The following SH3RF1 variants were observed in gnomAD, a reference collection of about 807,000 sequenced individuals.
The protein encoded by SH3RF1 is SH3 domain containing ring finger 1.
A neutral mutation model predicts 74.0 loss-of-function variants in SH3RF1; 32 were observed. The observed-to-expected ratio is 0.43, with a 90% confidence interval of 0.33 to 0.58. SH3RF1 has a LOEUF of 0.58. Among genes scored for constraint, SH3RF1 ranks in the 20% least tolerant of loss-of-function variants. The probability of loss-of-function intolerance (pLI) is 0.05; values close to 1 mark genes in which losing one functional copy is unlikely to be tolerated. For synonymous variants in SH3RF1, 396 were observed against 439.6 expected, an observed-to-expected ratio of 0.90 and a Z score of 1.24; for missense variants, 954 against 1,130.9, an observed-to-expected ratio of 0.84 and a Z score of 2.24.
At chr4:169,261,618 A>AG (rs1441232637) in intron 2 of SH3RF1, among the ~76,000 whole-genome samples, 2 of 152,074 alleles carry the variant, frequency 1.3e-5, no homozygotes, top group South Asian at 2.1e-4. Context: ...AAAAAAAAAA[A>AG]GAATGCATAA....
At chr4:169,194,098 AACAGAG>A (rs1734770890) in intron 2 of SH3RF1, among the ~76,000 whole-genome samples, 3 of 152,156 alleles carry the variant, frequency 2.0e-5, no homozygotes, top group Non-Finnish European at 2.9e-5. Flanking sequence ...TTTTTTAGAA[AACAGAG>A]ACAGAGACAC....
At position 169,221,527 on chromosome 4, in the gene SH3RF1, G is replaced by A. The variant is rs367788722; in HGVS notation, c.393+47293C>T. On this transcript the variant is annotated intron_variant, in intron 2 of 11. Transcript: ENST00000284637. Reference sequence around the variant, plus strand: ...TCAGTTACACCAACAACTCAGTTCCGAGAAAAGTTTGAAAACATTAACATT... The same window carrying A: ...TCAGTTACACCAACAACTCAGTTCCAAGAAAAGTTTGAAAACATTAACATT... Among the ~76,000 whole-genome samples the A allele has an allele frequency of 1.3e-3, 197 of 152,184 alleles. 3 individuals are homozygous for A. The South Asian group carries it at 0.037, about 28-fold the overall frequency.
At chr4:169,209,415 G>A (rs1036595339) in intron 2 of SH3RF1, among the ~76,000 whole-genome samples, 3 of 152,020 alleles carry the variant, frequency 2.0e-5, no homozygotes, top group Non-Finnish European at 4.4e-5. Flanking sequence ...GTCAGTTTAA[G>A]GTATCGTCCC....
At chr4:169,221,006 C>T (rs755850877) in intron 2 of SH3RF1, among the ~76,000 whole-genome samples, 3 of 152,176 alleles carry the variant, frequency 2.0e-5, no homozygotes, top group Non-Finnish European at 4.4e-5. Flanking sequence ...TCTTTGAACT[C>T]TCGTGTCGAA....
At chr4:169,230,479 A>C (rs1051463313) in intron 2 of SH3RF1, among the ~76,000 whole-genome samples, 1 of 152,182 alleles carries the variant, frequency 6.6e-6, no homozygotes, top group African/African-American at 2.4e-5. Flanking sequence ...TTTAGTTTTC[A>C]TTTGTTTTTC....
chr4:169,144,365 AT>A (rs900686653), intron 4 of SH3RF1, among the ~76,000 whole-genome samples: 1 of 152,214 alleles, frequency 6.6e-6, no homozygotes, highest in Non-Finnish European at 1.5e-5. Flanking sequence ...AAACAAAAAT[AT>A]CCCATTCAAA....
At chr4:169,210,601 T>C (rs1398318840) in intron 2 of SH3RF1, among the ~76,000 whole-genome samples, 1 of 152,242 alleles carries the variant, frequency 6.6e-6, no homozygotes, top group Non-Finnish European at 1.5e-5. Context: ...AAATTAAGTT[T>C]AGCCTAAAGT....
chr4:169,204,528 G>T (rs1730201815), intron 2 of SH3RF1, among the ~76,000 whole-genome samples: 1 of 150,444 alleles, frequency 6.6e-6, no homozygotes, highest in Non-Finnish European at 1.5e-5. Context: ...CTCTTACCTG[G>T]TTATCACATA....
chr4:169,250,932 G>C (rs1731094583), intron 2 of SH3RF1, among the ~76,000 whole-genome samples: 1 of 152,180 alleles, frequency 6.6e-6, no homozygotes, highest in Non-Finnish European at 1.5e-5. Flanking sequence ...CTTCCTTCCA[G>C]GCAGGGCAAA....
intron 2 of SH3RF1, among the ~76,000 whole-genome samples, chr4:169,168,929 A>G (rs960299267): frequency 6.6e-6 from 1 of 152,222 alleles, no homozygotes; most frequent in Admixed American, 6.5e-5. Flanking sequence ...AGAAAATGAA[A>G]TGAGAATATG....
At chr4:169,104,631 A>G (rs931963259) in intron 11 of SH3RF1, among the ~76,000 whole-genome samples, 1 of 152,142 alleles carries the variant, frequency 6.6e-6, no homozygotes, top group African/African-American at 2.4e-5. Flanking sequence ...GCTGGGCTCC[A>G]TGGCTCATGC....
At chr4:169,246,407 T>G (rs1458189223) in intron 2 of SH3RF1, among the ~76,000 whole-genome samples, 1 of 152,182 alleles carries the variant, frequency 6.6e-6, no homozygotes, top group East Asian at 1.9e-4. Context: ...CAAACTGAGC[T>G]AGGAGTATGT....
intron 4 of SH3RF1, 54 bp downstream of exon 4, chr4:169,155,426 T>C: frequency 7.2e-7 from 1 of 1,384,604 alleles, no homozygotes; most frequent in South Asian, 1.2e-5. Context: ...ATAATTAAGA[T>C]TTATTTAGTA....
chr4:169,122,163 G>A lies in SH3RF1; in HGVS notation c.1283C>T (p.Pro428Leu), dbSNP rs374917176. 8.1e-6 allele frequency: 13 copies of A among 1,613,312 alleles called. No homozygotes were observed. Among genetic ancestry groups the A allele is most frequent in the African/African-American group, 5.3e-5 (4 of 74,892 alleles). The change falls in exon 7 of 12, where the codon CCG (proline) becomes CTG (leucine). Residue 428 changes from proline (P) to leucine (L), a missense_variant. Pro to Leu is a moderately conservative substitution (Grantham distance 98, BLOSUM62 -3). Transcript: ENST00000284637. Reference sequence around the variant, plus strand: ...GTCAGTGGATCCTGCCATGGGCCTCGGTCCCATTCCAGCAGCAGCAGCAGC... The same window carrying A: ...GTCAGTGGATCCTGCCATGGGCCTCAGTCCCATTCCAGCAGCAGCAGCAGC... ...TAAAAAAGMG[P>L]RPMAGSTDQI...
At chr4:169,192,590 G>C (rs1405202543) in intron 2 of SH3RF1, among the ~76,000 whole-genome samples, 1 of 151,954 alleles carries the variant, frequency 6.6e-6, no homozygotes, top group Non-Finnish European at 1.5e-5. Flanking sequence ...ATTCCTTAAA[G>C]AACTAAAAGT....
intron 2 of SH3RF1, among the ~76,000 whole-genome samples, chr4:169,157,654 C>T (rs544103151): frequency 1.3e-5 from 2 of 152,250 alleles, no homozygotes; most frequent in African/African-American, 4.8e-5. Flanking sequence ...TATAATAATT[C>T]CCTGAACAAG....
chr4:169,115,172 A>C (rs1733310334), intron 10 of SH3RF1, among the ~76,000 whole-genome samples: 2 of 152,292 alleles, frequency 1.3e-5, no homozygotes, highest in African/African-American at 4.8e-5. Flanking sequence ...AAAAAACCCC[A>C]AAAACTATGG....
intron 2 of SH3RF1, among the ~76,000 whole-genome samples, chr4:169,192,858 G>A (rs11942292): frequency 9.3e-4 from 136 of 145,648 alleles, no homozygotes; most frequent in Non-Finnish European, 1.7e-3. Flanking sequence ...ATATCATATA[G>A]ATGTGATATA....
At chr4:169,208,835 G>A (rs1278835916) in intron 2 of SH3RF1, among the ~76,000 whole-genome samples, 2 of 152,142 alleles carry the variant, frequency 1.3e-5, no homozygotes, top group Admixed American at 1.3e-4. Context: ...AGAAGTAGGA[G>A]TGGGCCTACG....
Sources: allele counts gnomAD v4.1 joint callset (sites outside exome capture counted in the v4.1 genomes callset), GRCh38; gene constraint gnomAD v4.1.1; transcripts MANE v1.5; gene names NCBI Gene and HGNC (gene_info 2026-07-23, HGNC 2026-07-21).